The following PBX3 variants were observed in gnomAD, a reference collection of about 807,000 sequenced individuals.
The protein encoded by PBX3 is pre-B-cell leukemia transcription factor 3.
A neutral mutation model predicts 48.5 loss-of-function variants in PBX3; 14 were observed. The observed-to-expected ratio is 0.29, with a 90% CI of 0.19 to 0.45. PBX3 has a LOEUF of 0.45. Among genes scored for constraint, PBX3 ranks in the 20% least tolerant of loss-of-function variants. The pLI is 1.00. For missense variants in PBX3, 386 were observed against 546.7 expected (o/e 0.71, Z 2.93); for synonymous variants, 210 against 200.3 (o/e 1.05, Z -0.41).
intron 2 of PBX3, among the ~76,000 whole-genome samples, chr9:125,838,446 T>C (rs1391842305): frequency 2.0e-5 from 3 of 152,252 alleles, no homozygotes; most frequent in Non-Finnish European, 4.4e-5. Flanking sequence ...CACTACAAAC[T>C]GCTTTCCATT....
chr9:125,949,824 C>T (rs1359366411), intron 5 of PBX3, among the ~76,000 whole-genome samples: 3 of 152,180 alleles, frequency 2.0e-5, no homozygotes, highest in East Asian at 1.9e-4. Flanking sequence ...ATTAGATTTA[C>T]GTGAAACTTG....
intron 2 of PBX3, among the ~76,000 whole-genome samples, chr9:125,793,274 C>T (rs1416581280): frequency 1.3e-5 from 2 of 148,692 alleles, no homozygotes; most frequent in Admixed American, 1.3e-4. Flanking sequence ...ATGGCGTGAA[C>T]CTGGGAGGCA....
chr9:125,767,859 A>T (rs1166519228), intron 2 of PBX3, among the ~76,000 whole-genome samples: 1 of 151,946 alleles, frequency 6.6e-6, no homozygotes, highest in Non-Finnish European at 1.5e-5. Flanking sequence ...CTTTGAGTGT[A>T]TTGAGGGGAA....
chr9:125,887,476 GT>G (rs879936355), intron 2 of PBX3, among the ~76,000 whole-genome samples: 4 of 152,126 alleles, frequency 2.6e-5, no homozygotes, highest in Non-Finnish European at 5.9e-5. Context: ...GTATTTTAAG[GT>G]TTTGTAGCCT....
Position 125,929,706 on chromosome 9 carries a change from A to G in PBX3, c.568A>G (p.Arg190Gly). The G allele has an allele frequency of 6.2e-7, 1 of 1,614,040 alleles. No homozygotes were observed. Among genetic ancestry groups the G allele is most frequent in the Non-Finnish European group, 8.5e-7 (1 of 1,179,926 alleles). ...GATGAACCTTCTCCGAGAACAGAGT[A>G]GAACACGTCCCATTTCTCCAAAAGA... ...HVMNLLREQSRTRPISPKEIE... is the reference protein window; with the variant it reads ...HVMNLLREQSGTRPISPKEIE... The change falls in exon 4 of 9, where the codon AGA (arginine) becomes GGA (glycine). Residue 190 changes from arginine to glycine, a missense_variant. Physicochemically the swap from Arg to Gly is moderately radical, Grantham distance 125. Around this residue, in one of 4 missense-constraint regions of PBX3, gnomAD observed 74 missense variants for 206.1 expected, o/e 0.36. Transcript: ENST00000373489.
chr9:125,758,110 G>A (rs755342709), intron 2 of PBX3, among the ~76,000 whole-genome samples: 9 of 152,180 alleles, frequency 5.9e-5, no homozygotes, highest in Middle Eastern at 3.2e-3. Context: ...CTGTGATCAA[G>A]TAGAGATACT....
chr9:125,934,348 G>A (rs1349281697), intron 4 of PBX3, among the ~76,000 whole-genome samples: 1 of 152,118 alleles, frequency 6.6e-6, no homozygotes, highest in Non-Finnish European at 1.5e-5. Context: ...CTGACTGTGG[G>A]ATATCACAAT....
Position 125,911,934 on chromosome 9 carries a change from G to A in PBX3, c.275-3752G>A, listed in dbSNP as rs545279909. Reference sequence around the variant, plus strand: ...TATTGTAGGGCTAGATCTTAGTTACGTCTAATTCAGGACCACGTGTAGAAC... The same window carrying A: ...TATTGTAGGGCTAGATCTTAGTTACATCTAATTCAGGACCACGTGTAGAAC... On this transcript the variant is annotated intron_variant, in intron 2 of 8. Transcript: ENST00000373489. 5.3e-5 allele frequency among the ~76,000 whole-genome samples: 8 copies of A among 152,226 alleles called. No individual in the cohort carries two copies. The South Asian group carries it at 8.3e-4, about 16-fold the overall frequency.
In PBX3 at chr9:125,747,555, C is replaced by CGAA. The variant is rs1836224615; in HGVS notation, c.104_106dup (p.Glu35dup). On this transcript the variant is annotated inframe_insertion, in exon 1 of 9. Coordinates refer to ENST00000373489, the MANE Select transcript of PBX3 (RefSeq NM_006195.6). ...CCCTGCCGCCTCCCCCGCACGGCCA[C>CGAA]GAAGGGGCGGACGGCGACGGCAGGA... is the stretch of plus-strand genomic sequence containing the variant. 6.2e-7 allele frequency: 1 copy of CGAA among 1,606,388 alleles called. No individual in the cohort carries two copies. Among genetic ancestry groups the CGAA allele is most frequent in the African/African-American group, 1.4e-5 (1 of 73,748 alleles).
intron 2 of PBX3, among the ~76,000 whole-genome samples, chr9:125,854,723 C>CT: frequency 6.6e-6 from 1 of 152,242 alleles, no homozygotes; most frequent in South Asian, 2.1e-4. Flanking sequence ...TTCATTTGTA[C>CT]TTAAGACTTA....
intron 2 of PBX3, among the ~76,000 whole-genome samples, chr9:125,858,852 C>T (rs1037317943): frequency 6.6e-6 from 1 of 152,080 alleles, no homozygotes; most frequent in Non-Finnish European, 1.5e-5. Flanking sequence ...TCTTGAACTC[C>T]GGATGTCAGG....
At chr9:125,775,142 C>T (rs755746285) in intron 2 of PBX3, among the ~76,000 whole-genome samples, 13 of 152,250 alleles carry the variant, frequency 8.5e-5, no homozygotes, top group Non-Finnish European at 1.9e-4. Flanking sequence ...GGTGGGATTA[C>T]AGGCATGAGC....
chr9:125,832,905 G>C (rs1839007304), intron 2 of PBX3, among the ~76,000 whole-genome samples: 1 of 152,144 alleles, frequency 6.6e-6, no homozygotes, highest in Admixed American at 6.5e-5. Context: ...CTTGTCACCT[G>C]CTTTTGTAGG....
chr9:125,802,757 C>T (rs1409428758), intron 2 of PBX3, among the ~76,000 whole-genome samples: 5 of 151,670 alleles, frequency 3.3e-5, no homozygotes, highest in Admixed American at 1.3e-4. Context: ...CGGCTCAGTG[C>T]AACCTCCGCC....
intron 2 of PBX3, among the ~76,000 whole-genome samples, chr9:125,791,906 T>C (rs969084803): frequency 6.6e-6 from 1 of 151,748 alleles, no homozygotes; most frequent in African/African-American, 2.4e-5. Flanking sequence ...AAAAAAAGTT[T>C]CCTTAAGCCT....
intron 2 of PBX3, among the ~76,000 whole-genome samples, chr9:125,865,990 CTT>C (rs200362144): frequency 2.8e-5 from 4 of 140,464 alleles, no homozygotes. Context: ...AAGAAAATAG[CTT>C]TTTTTTTTTT....
intron 2 of PBX3, among the ~76,000 whole-genome samples, chr9:125,807,577 T>C (rs989177222): frequency 6.6e-6 from 1 of 152,154 alleles, no homozygotes; most frequent in Non-Finnish European, 1.5e-5. Context: ...TTGTCTAAAT[T>C]CACATTTCTA....
intron 5 of PBX3, among the ~76,000 whole-genome samples, chr9:125,950,284 T>C (rs1842165865): frequency 6.6e-6 from 1 of 152,190 alleles, no homozygotes; most frequent in Non-Finnish European, 1.5e-5. Flanking sequence ...AAAGCTGAAC[T>C]GTAAGGGCGT....
At chr9:125,882,094 G>A (rs1199336651) in intron 2 of PBX3, among the ~76,000 whole-genome samples, 3 of 152,112 alleles carry the variant, frequency 2.0e-5, no homozygotes, top group East Asian at 3.9e-4. Flanking sequence ...GCCAGGTGTG[G>A]TGGCACATGC....
Sources: gnomAD v4.1 joint callset for allele counts (sites outside exome capture counted in the v4.1 genomes callset) on GRCh38, gnomAD v4.1.1 for gene constraint, gnomAD v4.1.1 regional missense constraint, MANE v1.5 for transcripts, NCBI Gene and HGNC (gene_info 2026-07-23, HGNC 2026-07-21) for gene names.